The following SLC9A9 variants were observed in gnomAD, a reference collection of about 807,000 sequenced individuals.
SLC9A9 encodes solute carrier family 9 member A9, also known as sodium/hydrogen exchanger 9.
A neutral mutation model predicts 77.8 loss-of-function variants in SLC9A9; 62 were observed. That is an observed-to-expected ratio of 0.80 (90% CI 0.65 to 0.98). SLC9A9 has a LOEUF of 0.98. Ranked by LOEUF, SLC9A9 falls within the 50% of genes least tolerant of loss-of-function variation. The pLI is 0.00. For missense variants in SLC9A9, 775 were observed against 774.9 expected (o/e 1.00, Z 0.00); for synonymous variants, 320 against 283.5 (o/e 1.13, Z -1.29).
intron 12 of SLC9A9, among the ~76,000 whole-genome samples, chr3:143,410,825 T>C (rs1376309843): frequency 2.0e-5 from 3 of 152,202 alleles, no homozygotes; most frequent in African/African-American, 7.2e-5. Context: ...CTATACACTT[T>C]GGTATGAATG....
chr3:143,767,376 A>ATGTG (rs142594079), intron 4 of SLC9A9, among the ~76,000 whole-genome samples: 42,400 of 141,138 alleles, frequency 0.3, 6,164 homozygotes, highest in Non-Finnish European at 0.32. Context: ...GTGTCTGTGT[A>ATGTG]TGTGTGTGTG....
intron 4 of SLC9A9, among the ~76,000 whole-genome samples, chr3:143,696,641 T>C (rs958525619): frequency 6.6e-6 from 1 of 152,194 alleles, no homozygotes; most frequent in Non-Finnish European, 1.5e-5. Flanking sequence ...TGAATATCAA[T>C]TGGTTCTGGA....
chr3:143,802,025 C>G (rs142776127), intron 2 of SLC9A9, among the ~76,000 whole-genome samples: 1 of 152,188 alleles, frequency 6.6e-6, no homozygotes, highest in Non-Finnish European at 1.5e-5. Context: ...CCATTGCCCT[C>G]GGCAACGCTT....
intron 4 of SLC9A9, among the ~76,000 whole-genome samples, chr3:143,743,007 A>G (rs17651124): frequency 0.054 from 8,217 of 152,206 alleles, 275 homozygotes; most frequent in Middle Eastern, 0.075. Context: ...GATCATTTCA[A>G]TAGGACTGCT....
chr3:143,662,387 G>A (rs976710719), intron 5 of SLC9A9, among the ~76,000 whole-genome samples: 14 of 152,354 alleles, frequency 9.2e-5, no homozygotes, highest in Non-Finnish European at 2.1e-4. Context: ...CAGCATGAGC[G>A]ATGCAGAAGA....
intron 4 of SLC9A9, among the ~76,000 whole-genome samples, chr3:143,760,631 C>T (rs2007087007): frequency 1.3e-5 from 2 of 152,100 alleles, no homozygotes; most frequent in South Asian, 4.1e-4. Context: ...ATCCAACTTA[C>T]AAGGGATGTG....
At chr3:143,784,112 C>A (rs1181799837) in intron 4 of SLC9A9, among the ~76,000 whole-genome samples, 1 of 152,230 alleles carries the variant, frequency 6.6e-6, no homozygotes, top group Admixed American at 6.5e-5. Flanking sequence ...CCTCCACATT[C>A]TCTGCATCAC....
intron 2 of SLC9A9, among the ~76,000 whole-genome samples, chr3:143,817,400 G>A (rs536490958): frequency 5.3e-5 from 8 of 150,756 alleles, no homozygotes; most frequent in South Asian, 4.2e-4. Context: ...CACCCGCCTC[G>A]GCCTCCCAAA....
chr3:143,827,939 C>A (rs1009607130), intron 2 of SLC9A9, among the ~76,000 whole-genome samples: 4 of 152,220 alleles, frequency 2.6e-5, no homozygotes, highest in Non-Finnish European at 5.9e-5. Flanking sequence ...CTTTCTAGCA[C>A]TGGTCATCTC....
chr3:143,551,734 C>A (rs1343571548), intron 9 of SLC9A9, among the ~76,000 whole-genome samples: 3 of 152,224 alleles, frequency 2.0e-5, no homozygotes, highest in African/African-American at 7.2e-5. Flanking sequence ...TGCGACACAT[C>A]TGTGTCCTCA....
chr3:143,632,095 A>G (rs2108727906), intron 6 of SLC9A9, among the ~76,000 whole-genome samples: 1 of 152,128 alleles, frequency 6.6e-6, no homozygotes, highest in Non-Finnish European at 1.5e-5. Flanking sequence ...CAGACCTTTA[A>G]CTCCTTGTCT....
rs2009458913 is a variant in SLC9A9, at chr3:143,832,299, A to T, written c.176-78T>A. The stretch of plus-strand genomic sequence containing the variant: ...ACTATTGGAAACCTATATGATTTGG[A>T]ACCTTCAGAAGTGACAGGATAAAGT... On this transcript the variant is annotated intron_variant, in intron 1 of 15. Coordinates refer to ENST00000316549, the MANE Select transcript of SLC9A9 (RefSeq NM_173653.4). The T allele has an allele frequency of 4.7e-6, 6 of 1,282,006 alleles. No individual in the cohort carries two copies. In the Admixed American group the frequency reaches 1.1e-4, roughly 24 times the overall value. 79.4% of individuals were successfully genotyped at this position (1,282,006 alleles called of 1,614,324 possible).
chr3:143,293,514 T>G (rs536159534), intron 14 of SLC9A9, among the ~76,000 whole-genome samples: 119 of 152,324 alleles, frequency 7.8e-4, no homozygotes, highest in African/African-American at 2.7e-3. Flanking sequence ...TTGTCATAAT[T>G]GGCATTTTCC....
At chr3:143,743,468 G>A (rs965675253) in intron 4 of SLC9A9, among the ~76,000 whole-genome samples, 4 of 152,200 alleles carry the variant, frequency 2.6e-5, no homozygotes, top group African/African-American at 9.6e-5. Flanking sequence ...GGCCACTGGT[G>A]TAAGTCCTGC....
At chr3:143,366,924 C>G (rs1269796404) in intron 13 of SLC9A9, among the ~76,000 whole-genome samples, 1 of 152,076 alleles carries the variant, frequency 6.6e-6, no homozygotes, top group Admixed American at 6.5e-5. Context: ...TATACATACC[C>G]CAAAACATAA....
chr3:143,714,269 C>G (rs1934273589), intron 4 of SLC9A9, among the ~76,000 whole-genome samples: 1 of 152,174 alleles, frequency 6.6e-6, no homozygotes, highest in Non-Finnish European at 1.5e-5. Flanking sequence ...AACTCACCAC[C>G]TGTAAGTCTG....
At chr3:143,559,822 T>C (rs1011475244) in intron 8 of SLC9A9, among the ~76,000 whole-genome samples, 4 of 152,214 alleles carry the variant, frequency 2.6e-5, no homozygotes, top group African/African-American at 9.7e-5. Flanking sequence ...TAAAAAAGGA[T>C]ATTTTTAAAT....
At chr3:143,779,064 A>T (rs1397610214) in intron 4 of SLC9A9, among the ~76,000 whole-genome samples, 1 of 152,208 alleles carries the variant, frequency 6.6e-6, no homozygotes, top group East Asian at 1.9e-4. Flanking sequence ...TTGCTCCGGG[A>T]TGTCTTATGG....
chr3:143,789,436 T>C (rs958371107), intron 4 of SLC9A9, among the ~76,000 whole-genome samples: 3 of 152,234 alleles, frequency 2.0e-5, no homozygotes, highest in Admixed American at 1.3e-4. Context: ...AATCCTTCTA[T>C]GTACCATCTC....
Sources: allele counts gnomAD v4.1 joint callset (sites outside exome capture counted in the v4.1 genomes callset), GRCh38; gene constraint gnomAD v4.1.1; transcripts MANE v1.5; gene names NCBI Gene and HGNC (gene_info 2026-07-23, HGNC 2026-07-21).